The following CCDC39 variants were observed in gnomAD, a reference collection of about 807,000 sequenced individuals.
CCDC39 encodes the protein coiled-coil domain-containing protein 39.
CCDC39 carries 113 observed loss-of-function variants against 121.0 expected under a neutral mutation model. The ratio of observed to expected loss-of-function variants is 0.93; its 90% confidence interval spans 0.80 to 1.09. The LOEUF is 1.09. CCDC39 is among the 50% of genes least tolerant of loss of function. The pLI is 0.00. For synonymous variants in CCDC39, 349 were observed against 352.2 expected (o/e 0.99, Z 0.10); for missense variants, 1,063 against 1,074.7 (o/e 0.99, Z 0.15).
chr3:180,631,488 T>C lies in CCDC39; in HGVS notation c.1979A>G (p.Gln660Arg), dbSNP rs1352168921. 1.9e-6 allele frequency: 3 copies of C among 1,605,950 alleles called. No individual in the cohort carries two copies. The highest frequency in any genetic ancestry group is 2.2e-5 in the East Asian group (1 of 44,846). ...LPPEGEEEKT[Q>R]AYYVIKAAQE... ...AATTACCTTTATTACATAATAGGCC[T>C]GTGTTTTCTCCTCTTCTCCTTCAGG... The change falls in exon 14 of 20, where the codon CAG becomes CGG. Residue 660 changes from glutamine to arginine, a missense_variant. Gln to Arg is a conservative substitution (Grantham distance 43). Transcript: ENST00000476379.
At chr3:180,654,581 G>T (rs1173751525) in intron 7 of CCDC39, among the ~76,000 whole-genome samples, 181 bp downstream of exon 7, 1 of 146,616 alleles carries the variant, frequency 6.8e-6, no homozygotes, top group East Asian at 2.0e-4. Flanking sequence ...TTAATCAGGG[G>T]TTTAATCAGA....
At chr3:180,666,988 T>A (rs1711893828) in intron 1 of CCDC39, among the ~76,000 whole-genome samples, 1 of 152,124 alleles carries the variant, frequency 6.6e-6, no homozygotes, top group Non-Finnish European at 1.5e-5. Flanking sequence ...ATCAATATAG[T>A]TGCCGAAATA....
chr3:180,666,387 T>G (rs1711877919), intron 1 of CCDC39, among the ~76,000 whole-genome samples: 1 of 152,204 alleles, frequency 6.6e-6, no homozygotes, highest in Non-Finnish European at 1.5e-5. Context: ...GACAGGTGTC[T>G]CTATGTTTTT....
intron 6 of CCDC39, among the ~76,000 whole-genome samples, chr3:180,658,356 G>A (rs887237137): frequency 4.0e-5 from 6 of 151,742 alleles, no homozygotes; most frequent in Non-Finnish European, 8.8e-5. Flanking sequence ...AGCACTTTGG[G>A]AGGCTGAGGC....
intron 13 of CCDC39, among the ~76,000 whole-genome samples, chr3:180,633,177 G>T (rs112322070): frequency 6.6e-6 from 1 of 152,180 alleles, no homozygotes; most frequent in Non-Finnish European, 1.5e-5. Context: ...GGAGCGATCT[G>T]TTGGAGAAAA....
chr3:180,668,355 C>T (rs550660911), intron 1 of CCDC39, among the ~76,000 whole-genome samples: 22 of 151,862 alleles, frequency 1.4e-4, no homozygotes, highest in Non-Finnish European at 1.9e-4. Flanking sequence ...CTCTAGCCTG[C>T]GCAAAAAAAT....
intron 9 of CCDC39, among the ~76,000 whole-genome samples, chr3:180,650,681 A>T (rs535509385): frequency 6.6e-6 from 1 of 151,652 alleles, no homozygotes; most frequent in African/African-American, 2.4e-5. Context: ...ACATGGTGAA[A>T]CCCCATCTCT....
chr3:180,631,429 A>G, intron 14 of CCDC39, 40 bp downstream of exon 14: 1 of 1,546,640 alleles, frequency 6.5e-7, no homozygotes, highest in South Asian at 1.2e-5. Flanking sequence ...TTAACAAAGA[A>G]AATTTCATAC....
chr3:180,647,040 A>T, intron 11 of CCDC39, 39 bp downstream of exon 11: 1 of 1,579,502 alleles, frequency 6.3e-7, no homozygotes, highest in Non-Finnish European at 8.6e-7. Context: ...CAGAATGACT[A>T]GGATATTTGA....
chr3:180,654,857 A>G lies in CCDC39; in HGVS notation c.835T>C (p.Phe279Leu). Residue 279 changes from phenylalanine to leucine, a missense_variant, in exon 7 of 20, where the codon TTT becomes CTT. Coordinates refer to ENST00000476379, the MANE Select transcript of CCDC39 (RefSeq NM_181426.2). ...TCAGCCACAGAAATTCTTTTCTCAAACTCTGTGTTATTCCCAATCTCACTT... is the reference window on the plus strand; with the variant it reads ...TCAGCCACAGAAATTCTTTTCTCAAGCTCTGTGTTATTCCCAATCTCACTT... ...LESEIGNNTE[F>L]EKRISVADRK... The G allele has an allele frequency of 6.2e-7, 1 of 1,607,548 alleles. No individual in the cohort carries two copies. Among genetic ancestry groups the G allele is most frequent in the East Asian group, 2.2e-5 (1 of 44,586 alleles).
At chr3:180,658,573 G>A (rs1711646540) in intron 6 of CCDC39, among the ~76,000 whole-genome samples, 2 of 151,792 alleles carry the variant, frequency 1.3e-5, no homozygotes, top group Admixed American at 1.3e-4. Context: ...CTCCAGCCTT[G>A]GTGACAGAGC....
intron 14 of CCDC39, among the ~76,000 whole-genome samples, chr3:180,623,113 T>G (rs1055903224): frequency 2.8e-5 from 4 of 143,680 alleles, no homozygotes; most frequent in Non-Finnish European, 6.1e-5. Flanking sequence ...TTATTATTAT[T>G]ATGGATTCAT....
At chr3:180,660,841 C>G (rs1711726102) in intron 3 of CCDC39, 113 bp from the exon 4 acceptor site, 1 of 756,262 alleles carries the variant, frequency 1.3e-6, no homozygotes, top group African/African-American at 1.8e-5. Context: ...ATGAGGAAAT[C>G]CTGTCCCTGC....
chr3:180,657,456 A>G (rs749131196), intron 6 of CCDC39, among the ~76,000 whole-genome samples: 1 of 152,206 alleles, frequency 6.6e-6, no homozygotes, highest in African/African-American at 2.4e-5. Flanking sequence ...CATGACTGAC[A>G]GAGAGGAAGC....
intron 2 of CCDC39, 47 bp from the exon 3 acceptor site, chr3:180,662,054 T>A: frequency 1.4e-6 from 2 of 1,480,770 alleles, no homozygotes; most frequent in Non-Finnish European, 1.8e-6. Context: ...ATTTTAGAAA[T>A]TTTGAATACA....
At chr3:180,649,566 A>G (rs74573061) in intron 9 of CCDC39, among the ~76,000 whole-genome samples, 4,372 of 152,308 alleles carry the variant, frequency 0.029, 94 homozygotes, top group Admixed American at 0.048. Flanking sequence ...AGATCTTCTC[A>G]AAGATTGCCT....
chr3:180,661,502 G>A (rs1011711130), intron 3 of CCDC39, among the ~76,000 whole-genome samples: 5 of 151,902 alleles, frequency 3.3e-5, no homozygotes, highest in Non-Finnish European at 5.9e-5. Context: ...CAATATGAAA[G>A]GTCAATATTT....
rs556950924 is a variant in CCDC39, at chr3:180,614,944, T to TAAC, written c.2800_2802dup (p.Val934dup). On this transcript the variant is annotated inframe_insertion, in exon 20 of 20. Coordinates refer to ENST00000476379, the MANE Select transcript of CCDC39 (RefSeq NM_181426.2). ...GTTTATTTGCTGCTCTTTTTGCTCT[T>TAAC]AACATTACTAGAGCTACTACTAGCA... 44 of 1,565,628 alleles carry TAAC rather than the reference T, an allele frequency of 2.8e-5. No homozygotes were observed. The East Asian group carries it at 1.0e-3, about 36-fold the overall frequency.
In CCDC39 at chr3:180,616,372, A is replaced by G; in HGVS notation, c.2587-9T>C. 1 of 1,605,934 alleles carries G rather than the reference A, an allele frequency of 6.2e-7. No homozygotes were observed. Among genetic ancestry groups the G allele is most frequent in the Non-Finnish European group, 8.5e-7 (1 of 1,173,638 alleles). On this transcript the variant is annotated splice_polypyrimidine_tract_variant and intron_variant, in intron 18 of 19. Transcript: ENST00000476379. ...GGTAGTTCTAACCCACTCTGGAGGA[A>G]TATTCAATAGCAATCATTAGTACTA...
Sources: allele counts gnomAD v4.1 joint callset (sites outside exome capture counted in the v4.1 genomes callset), GRCh38; gene constraint gnomAD v4.1.1; transcripts MANE v1.5; gene names NCBI Gene and HGNC (gene_info 2026-07-23, HGNC 2026-07-21).